The following RNF187 variants were observed in gnomAD, a reference collection of about 807,000 sequenced individuals.
The protein encoded by RNF187 is ring finger protein 187, also known as E3 ubiquitin-protein ligase RNF187.
A neutral mutation model predicts 22.2 loss-of-function variants in RNF187; 18 were observed. The observed-to-expected ratio is 0.81, with a 90% CI of 0.56 to 1.20. RNF187 has a LOEUF of 1.20. Among genes scored for constraint, RNF187 ranks in the 50% most tolerant of loss-of-function variants. The probability of loss-of-function intolerance (pLI) is 0.00; values close to 1 mark genes in which losing one functional copy is unlikely to be tolerated. For missense variants in RNF187, 329 were observed against 317.6 expected (o/e 1.04, Z -0.27); for synonymous variants, 164 against 140.9 (o/e 1.16, Z -1.16).
Position 228,495,363 on chromosome 1 carries a change from T to C in RNF187, c.*1478T>C. On this transcript the variant is annotated 3_prime_UTR_variant, in exon 4 of 4. Transcript: ENST00000305943. Reference sequence around the variant, plus strand: ...CATTGAGGGTGGTCAGATATTATGGTTAACCAAATTAGGGTTCTTGCTAAA... The same window carrying C: ...CATTGAGGGTGGTCAGATATTATGGCTAACCAAATTAGGGTTCTTGCTAAA... 1.7e-6 allele frequency: 1 copy of C among 593,522 alleles called. No homozygotes were observed. The highest frequency in any genetic ancestry group is 2.1e-6 in the Non-Finnish European group (1 of 472,130). 36.8% of individuals were successfully genotyped at this position (593,522 alleles called of 1,614,324 possible).
chr1:228,494,112 C>T lies in RNF187; in HGVS notation c.*227C>T. ...GGCTGGACCTGAGGACCCTTCCCAC[C>T]TGTGCCCGTCCCTTCCTGAAGTCCT... is the stretch of plus-strand genomic sequence containing the variant. On this transcript the variant is annotated 3_prime_UTR_variant, in exon 4 of 4. Coordinates refer to ENST00000305943, the MANE Select transcript of RNF187 (RefSeq NM_001010858.3). 3 of 1,449,292 alleles carry T rather than the reference C, an allele frequency of 2.1e-6. No homozygotes were observed. The highest frequency in any genetic ancestry group is 2.7e-6 in the Non-Finnish European group (3 of 1,102,758). 89.8% of individuals were successfully genotyped at this position (1,449,292 alleles called of 1,614,324 possible).
At position 228,487,524 on chromosome 1, in the gene RNF187, C is replaced by T; in HGVS notation, c.36C>T (p.Cys12=). 8.4e-7 allele frequency: 1 copy of T among 1,187,404 alleles called. No homozygotes were observed. The highest frequency in any genetic ancestry group is 1.0e-6 in the Non-Finnish European group (1 of 959,026). The allele number at this position is 1,187,404 out of a possible 1,614,324, so 73.6% of individuals were successfully genotyped here. ...CTGCGGGCCCCGCCGAGGCCGCCTG[C>T]GCCCTGTGCCAGCGCGCGCCCCGGG... The change falls in exon 1 of 4, where the codon TGC becomes TGT. Residue 12 remains cysteine, a synonymous_variant. Coordinates refer to ENST00000305943, the MANE Select transcript of RNF187 (RefSeq NM_001010858.3).
Position 228,487,448 on chromosome 1 carries a change from C to G in RNF187, c.-41C>G. The stretch of plus-strand genomic sequence containing the variant: ...GGCCGTCTAGGTCTCCGGCCCTCCC[C>G]AGCCGCTCCTGCGCCCTTGCCGGCC... On this transcript the variant is annotated 5_prime_UTR_variant, in exon 1 of 4. Coordinates refer to ENST00000305943, the MANE Select transcript of RNF187 (RefSeq NM_001010858.3). The G allele has an allele frequency of 9.1e-7, 1 of 1,100,812 alleles. No individual in the cohort carries two copies. Among genetic ancestry groups the G allele is most frequent in the Non-Finnish European group, 1.1e-6 (1 of 905,996 alleles). The allele number at this position is 1,100,812 out of a possible 1,614,324, so 68.2% of individuals were successfully genotyped here.
Position 228,493,890 on chromosome 1 carries a change from G to A in RNF187, c.*5G>A. ...CTCTCCCCTCCCATGCAGTGATGGC[G>A]CCAACCCGTGGCAGTCCCAGAGCTG... On this transcript the variant is annotated 3_prime_UTR_variant, in exon 4 of 4. Coordinates refer to ENST00000305943, the MANE Select transcript of RNF187 (RefSeq NM_001010858.3). This position sits in a 1 kb window ranked among gnomAD's most constrained non-coding sequence, Gnocchi z 4.7. The A allele has an allele frequency of 1.7e-5, 27 of 1,551,524 alleles. No homozygotes were observed. The highest frequency in any genetic ancestry group is 1.7e-4 in the Middle Eastern group (1 of 6,014).
chr1:228,495,719 CACA>C lies in RNF187; in HGVS notation c.*1837_*1839del. 1.0e-6 allele frequency: 1 copy of C among 985,596 alleles called. No individual in the cohort carries two copies. The highest frequency in any genetic ancestry group is 1.2e-6 in the Non-Finnish European group (1 of 829,936). The allele number at this position is 985,596 out of a possible 1,614,324, so 61.1% of individuals were successfully genotyped here. ...ACCAGCAACATCCCACCCTGTCAAT[CACA>C]ACCTCTTTCTATTTAAGAAAATTAT... On this transcript the variant is annotated 3_prime_UTR_variant, in exon 4 of 4. Transcript: ENST00000305943.
At chr1:228,492,261 G>A in intron 2 of RNF187, among the ~76,000 whole-genome samples, 1 of 151,750 alleles carries the variant, frequency 6.6e-6, no homozygotes, top group Admixed American at 6.6e-5. Context: ...TGTTGCCCAG[G>A]CTAGTCTCGA....
intron 1 of RNF187, 113 bp from the exon 2 acceptor site, chr1:228,488,847 C>A: frequency 2.4e-6 from 2 of 834,570 alleles, no homozygotes; most frequent in Admixed American, 2.3e-5. Context: ...TCGAGGTTAT[C>A]TCTGGGATGG....
chr1:228,494,048 C>G lies in RNF187; in HGVS notation c.*163C>G. The G allele has an allele frequency of 1.3e-6, 2 of 1,524,490 alleles. No homozygotes were observed. Among genetic ancestry groups the G allele is most frequent in the Non-Finnish European group, 1.8e-6 (2 of 1,135,154 alleles). The allele number at this position is 1,524,490 out of a possible 1,614,324, so 94.4% of individuals were successfully genotyped here. ...AACAATGTCCATTTATCCTTCACCC[C>G]GAGGCGTGTTTTGGGGGCTGCAAAC... On this transcript the variant is annotated 3_prime_UTR_variant, in exon 4 of 4. Coordinates refer to ENST00000305943, the MANE Select transcript of RNF187 (RefSeq NM_001010858.3).
intron 2 of RNF187, 45 bp downstream of exon 2, chr1:228,489,097 G>A: frequency 6.8e-7 from 1 of 1,474,730 alleles, no homozygotes; most frequent in Non-Finnish European, 9.2e-7. Context: ...GGGACTGTGG[G>A]CTCAGGGCTC....
At chr1:228,489,885 C>T in intron 2 of RNF187, among the ~76,000 whole-genome samples, 2 of 152,216 alleles carry the variant, frequency 1.3e-5, no homozygotes, top group Non-Finnish European at 2.9e-5. Flanking sequence ...AGGATTTCAG[C>T]ATGGGGATTT....
Position 228,494,954 on chromosome 1 carries a change from A to C in RNF187, c.*1069A>C. ...GTGTGGGCTGGCTCAATGCTGAATA[A>C]AGTGGGTTTGTGTCAGCTCGTTTGC... On this transcript the variant is annotated 3_prime_UTR_variant, in exon 4 of 4. Coordinates refer to ENST00000305943, the MANE Select transcript of RNF187 (RefSeq NM_001010858.3). 1 of 985,364 alleles carries C rather than the reference A, an allele frequency of 1.0e-6. No individual in the cohort carries two copies. Among genetic ancestry groups the C allele is most frequent in the South Asian group, 4.7e-5 (1 of 21,276 alleles). 61.0% of individuals were successfully genotyped at this position (985,364 alleles called of 1,614,324 possible).
At position 228,494,649 on chromosome 1, in the gene RNF187, T is replaced by G; in HGVS notation, c.*764T>G. On this transcript the variant is annotated 3_prime_UTR_variant, in exon 4 of 4. Coordinates refer to ENST00000305943, the MANE Select transcript of RNF187 (RefSeq NM_001010858.3). ...GCCATCGTGTCTCATCTTGCTGTTATCTCTAGCTCTTTCCCTCCTCCCATT... is the reference window on the plus strand; with the variant it reads ...GCCATCGTGTCTCATCTTGCTGTTAGCTCTAGCTCTTTCCCTCCTCCCATT... 3 of 985,324 alleles carry G rather than the reference T, an allele frequency of 3.0e-6. No individual in the cohort carries two copies. In the African/African-American group the frequency reaches 5.2e-5, roughly 17 times the overall value. 61.0% of individuals were successfully genotyped at this position (985,324 alleles called of 1,614,324 possible).
At chr1:228,492,636 TTTTTTTTG>T in intron 2 of RNF187, among the ~76,000 whole-genome samples, 1 of 141,868 alleles carries the variant, frequency 7.0e-6, no homozygotes, top group Admixed American at 6.9e-5. Context: ...TTTTTTTTTT[TTTTTTTTG>T]AGATGGAGTC....
Position 228,494,613 on chromosome 1 carries a change from C to G in RNF187, c.*728C>G. On this transcript the variant is annotated 3_prime_UTR_variant, in exon 4 of 4. Transcript: ENST00000305943. ...GCAGGTGGCTAACCCCATTTAGCAT[C>G]TCCAGGCCCTGCCATCGTGTCTCAT... 1 of 985,558 alleles carries G rather than the reference C, an allele frequency of 1.0e-6. No homozygotes were observed. Among genetic ancestry groups the G allele is most frequent in the Non-Finnish European group, 1.2e-6 (1 of 830,144 alleles). The allele number at this position is 985,558 out of a possible 1,614,324, so 61.1% of individuals were successfully genotyped here.
intron 2 of RNF187, among the ~76,000 whole-genome samples, chr1:228,490,683 T>C: frequency 0.036 from 5,487 of 152,312 alleles, 308 homozygotes; most frequent in African/African-American, 0.12. Flanking sequence ...CTGCCCTGTG[T>C]GGCCCAGGGC....
In RNF187 at chr1:228,489,027, CAG is replaced by C. The variant is rs771234504; in HGVS notation, c.461_462del (p.Glu154ValfsTer14). ...GACGCCCGGGACCTGCATGGCCAGG[CAG>C]AGTCAGCAGCTGCAGTGTGGAAGGC... On this transcript the variant is annotated frameshift_variant, in exon 2 of 4. Transcript: ENST00000305943. LOFTEE classifies it high-confidence loss of function. 1 of 1,549,280 alleles carries C rather than the reference CAG, an allele frequency of 6.5e-7. No homozygotes were observed. The highest frequency in any genetic ancestry group is 1.2e-5 in the South Asian group (1 of 84,058).
intron 1 of RNF187, chr1:228,488,631 G>A: frequency 9.5e-6 from 2 of 210,098 alleles, no homozygotes; most frequent in African/African-American, 2.3e-5. Flanking sequence ...ACCCCCATCC[G>A]GCTCAGGCAG....
At chr1:228,492,473 C>T in intron 2 of RNF187, among the ~76,000 whole-genome samples, 1 of 151,856 alleles carries the variant, frequency 6.6e-6, no homozygotes, top group Non-Finnish European at 1.5e-5. Flanking sequence ...AGGCGTGCGC[C>T]ACCACGCCCA....
At chr1:228,488,434 CTG>C in intron 1 of RNF187, 2 of 155,218 alleles carry the variant, frequency 1.3e-5, no homozygotes, top group African/African-American at 4.8e-5. Context: ...GAAACCCGCT[CTG>C]AGAGTCTGGC....
Sources: gnomAD v4.1 joint callset for allele counts (sites outside exome capture counted in the v4.1 genomes callset) on GRCh38, gnomAD v4.1.1 for gene constraint, Gnocchi (gnomAD v3.1) non-coding constraint, MANE v1.5 for transcripts, NCBI Gene and HGNC (gene_info 2026-07-23, HGNC 2026-07-21) for gene names.